Variants in HLF observed in about 807,000 individuals in gnomAD.
HLF encodes HLF transcription factor, PAR bZIP family member.
In HLF, 3 loss-of-function variants were observed where a neutral mutation model predicts 22.6. The ratio of observed to expected loss-of-function variants is 0.13; its 90% CI spans 0.06 to 0.34. The LOEUF is 0.34. HLF is among the 10% of genes least tolerant of loss of function. The pLI is 1.00. For missense variants in HLF, 299 were observed against 389.2 expected, an observed-to-expected ratio of 0.77 and a Z score of 1.95; for synonymous variants, 151 against 151.8, an observed-to-expected ratio of 0.99 and a Z score of 0.04.
chr17:55,265,885 A>T, intron 1 of HLF: 2 of 1,167,116 alleles, frequency 1.7e-6, no homozygotes, highest in Non-Finnish European at 2.1e-6. Context: ...GTAACTTGAC[A>T]GGTCAGGATC....
chr17:55,267,986 C>T lies in HLF; in HGVS notation c.351C>T (p.Ser117=), dbSNP rs564621419. The T allele has an allele frequency of 2.5e-6, 4 of 1,614,016 alleles. No homozygotes were observed. The highest frequency in any genetic ancestry group is 3.4e-6 in the Non-Finnish European group (4 of 1,179,928). The change falls in exon 2 of 4, where the codon TCC becomes TCT. Residue 117 remains serine, a synonymous_variant. Transcript: ENST00000226067. ...SPHPPGLQPA[S]SAAPSVMDLS... ...ACCCTCCTGGGCTGCAGCCAGCTTC[C>T]TCGGCTGCCCCCTCGGTCATGGACC...
At chr17:55,279,492 G>A (rs532972120) in intron 2 of HLF, among the ~76,000 whole-genome samples, 5 of 152,152 alleles carry the variant, frequency 3.3e-5, no homozygotes, top group Admixed American at 6.5e-5. Context: ...CCAGTGCTTT[G>A]GGTGGCCAAG....
At chr17:55,269,351 G>C (rs1034240093) in intron 2 of HLF, among the ~76,000 whole-genome samples, 62 of 152,106 alleles carry the variant, frequency 4.1e-4, no homozygotes, top group African/African-American at 1.4e-3. Context: ...TGGGAGCTTG[G>C]GAAAACATGC....
At chr17:55,284,147 A>G (rs1279515088) in intron 2 of HLF, 3 of 152,196 alleles carry the variant, frequency 2.0e-5, no homozygotes, top group Non-Finnish European at 2.9e-5. Context: ...GTATGTTTCT[A>G]ACATAGCCAG....
At chr17:55,270,735 A>G (rs2080845544) in intron 2 of HLF, among the ~76,000 whole-genome samples, 3 of 138,268 alleles carry the variant, frequency 2.2e-5, no homozygotes, top group Admixed American at 1.7e-4. Flanking sequence ...ATCTCAGCTC[A>G]CTGCAAGCTC....
At chr17:55,299,780 C>T (rs1011981056) in intron 2 of HLF, among the ~76,000 whole-genome samples, 3 of 151,928 alleles carry the variant, frequency 2.0e-5, no homozygotes, top group Non-Finnish European at 2.9e-5. Context: ...GTTCTTGCTA[C>T]GTTGCCCAGG....
At chr17:55,278,493 C>T (rs932015843) in intron 2 of HLF, among the ~76,000 whole-genome samples, 1 of 151,892 alleles carries the variant, frequency 6.6e-6, no homozygotes, top group African/African-American at 2.4e-5. Context: ...GAGTTAAGCA[C>T]GCCTGTCCAT....
intron 2 of HLF, chr17:55,273,730 C>G (rs2080878572): frequency 6.6e-6 from 1 of 152,096 alleles, no homozygotes; most frequent in Admixed American, 6.6e-5. Context: ...GGAGCTTGCC[C>G]AACGCTGTGT....
chr17:55,322,678 A>G lies in HLF; in HGVS notation c.*1799A>G, dbSNP rs181177882. 2.4e-4 allele frequency: 52 copies of G among 218,422 alleles called. 2 individuals are homozygous for G. The East Asian group carries it at 3.5e-3, about 15-fold the overall frequency. 13.5% of individuals were successfully genotyped at this position (218,422 alleles called of 1,614,324 possible). A position where few individuals can be genotyped will look rare whatever the true frequency, so the allele number is the denominator to read the frequency against. ...CACCCAAAAGCACAAAATGGATTTT[A>G]GTCAAATATTTATTGGATGATACAG... On this transcript the variant is annotated 3_prime_UTR_variant, in exon 4 of 4. Coordinates refer to ENST00000226067, the MANE Select transcript of HLF (RefSeq NM_002126.5).
chr17:55,323,769 T>A lies in HLF; in HGVS notation c.*2890T>A, dbSNP rs1277019639. 1 of 230,794 alleles carries A rather than the reference T, an allele frequency of 4.3e-6. No homozygotes were observed. Among genetic ancestry groups the A allele is most frequent in the Non-Finnish European group, 8.6e-6 (1 of 116,404 alleles). 14.3% of individuals were successfully genotyped at this position (230,794 alleles called of 1,614,324 possible). On this transcript the variant is annotated 3_prime_UTR_variant, in exon 4 of 4. Coordinates refer to ENST00000226067, the MANE Select transcript of HLF (RefSeq NM_002126.5). Reference sequence around the variant, plus strand: ...TCTGAGTGATTTGGGTCAACCGGAGTCAGACGCATGTCTGCACGCTGCAGC... The same window carrying A: ...TCTGAGTGATTTGGGTCAACCGGAGACAGACGCATGTCTGCACGCTGCAGC...
chr17:55,265,761 TC>T, intron 1 of HLF, 162 bp downstream of exon 1: 1 of 1,212,436 alleles, frequency 8.2e-7, no homozygotes, highest in Non-Finnish European at 1.1e-6. Context: ...CCAGCACCCT[TC>T]CTCCCCTTCC....
At position 55,265,225 on chromosome 17, in the gene HLF, A is replaced by T; in HGVS notation, c.-260A>T. On this transcript the variant is annotated 5_prime_UTR_variant, in exon 1 of 4. Coordinates refer to ENST00000226067, the MANE Select transcript of HLF (RefSeq NM_002126.5). Reference sequence around the variant, plus strand: ...TTCGAGGCAGGTGAGAGCATCCTGCACGTCGCCGGGGAGCCCGCGGGCACT... The same window carrying T: ...TTCGAGGCAGGTGAGAGCATCCTGCTCGTCGCCGGGGAGCCCGCGGGCACT... 5.5e-6 allele frequency: 2 copies of T among 365,288 alleles called. No homozygotes were observed. Among genetic ancestry groups the T allele is most frequent in the Non-Finnish European group, 9.7e-6 (2 of 206,908 alleles). The allele number at this position is 365,288 out of a possible 1,614,324, so 22.6% of individuals were successfully genotyped here. A position where few individuals can be genotyped will look rare whatever the true frequency, so the allele number is the denominator to read the frequency against.
chr17:55,268,153 G>A (rs1468167942), intron 2 of HLF, 67 bp downstream of exon 2: 2 of 1,178,002 alleles, frequency 1.7e-6, no homozygotes, highest in East Asian at 4.9e-5. Context: ...GCAAGGTAGA[G>A]TTAGCATAAA....
chr17:55,307,880 G>T (rs1172322033), intron 2 of HLF, among the ~76,000 whole-genome samples: 2 of 150,872 alleles, frequency 1.3e-5, no homozygotes, highest in Admixed American at 6.6e-5. Flanking sequence ...GTATTGAGCA[G>T]GGGTAGAGGA....
At chr17:55,298,116 C>T (rs958915972) in intron 2 of HLF, among the ~76,000 whole-genome samples, 18 of 152,234 alleles carry the variant, frequency 1.2e-4, no homozygotes, top group African/African-American at 3.9e-4. Flanking sequence ...ATTTGCCTGG[C>T]ATATCTTCAC....
intron 2 of HLF, among the ~76,000 whole-genome samples, chr17:55,314,045 G>A (rs1431507112): frequency 6.6e-6 from 1 of 152,154 alleles, no homozygotes; most frequent in African/African-American, 2.4e-5. Flanking sequence ...AGGAAGAGGG[G>A]GAGATGGGCC....
chr17:55,270,037 C>G (rs2080837857), intron 2 of HLF, among the ~76,000 whole-genome samples: 2 of 152,172 alleles, frequency 1.3e-5, no homozygotes, highest in Non-Finnish European at 2.9e-5. Context: ...GGATTTGAAG[C>G]AGCTTGAAAA....
At chr17:55,288,768 A>AAT in intron 2 of HLF, 1 of 263,550 alleles carries the variant, frequency 3.8e-6, no homozygotes, top group Non-Finnish European at 5.9e-6. Context: ...AAAAAAAAAA[A>AAT]GTTAAATTAA....
chr17:55,311,313 A>C (rs1382221522), intron 2 of HLF, among the ~76,000 whole-genome samples: 1 of 152,102 alleles, frequency 6.6e-6, no homozygotes, highest in African/African-American at 2.4e-5. Context: ...CTACTAAAAA[A>C]TACAAAACAA....
Sources: gnomAD v4.1 joint callset for allele counts (sites outside exome capture counted in the v4.1 genomes callset) on GRCh38, gnomAD v4.1.1 for gene constraint, MANE v1.5 for transcripts, NCBI Gene and HGNC (gene_info 2026-07-23, HGNC 2026-07-21) for gene names.